DNAH7: variants seen among roughly 807,000 people sequenced by gnomAD.
DNAH7 encodes the protein axonemal beta dynein heavy chain 7.
A neutral mutation model predicts 444.6 loss-of-function variants in DNAH7; 397 were observed. That is an observed-to-expected ratio of 0.89 (90% CI 0.82 to 0.97). The LOEUF (loss-of-function observed/expected upper bound fraction) is 0.97. Ranked by LOEUF, DNAH7 falls within the 50% of genes least tolerant of loss-of-function variation. The pLI, the probability that DNAH7 is intolerant of heterozygous loss-of-function variation, is 0.00. For missense variants in DNAH7, 4,902 were observed against 4,800.8 expected, an observed-to-expected ratio of 1.02 and a Z score of -0.62; for synonymous variants, 1,636 against 1,624.4, an observed-to-expected ratio of 1.01 and a Z score of -0.17.
intron 12 of DNAH7, among the ~76,000 whole-genome samples, chr2:195,990,019 T>C (rs1394454955): frequency 6.6e-6 from 1 of 152,230 alleles, no homozygotes; most frequent in Non-Finnish European, 1.5e-5. Flanking sequence ...TGCAAATTTT[T>C]TATCCCATTA....
intron 5 of DNAH7, among the ~76,000 whole-genome samples, chr2:196,044,227 A>G (rs371596234): frequency 5.6e-5 from 7 of 125,476 alleles, no homozygotes; most frequent in South Asian, 2.5e-4. Context: ...GTGTGTGTGT[A>G]TACATACACA....
chr2:195,970,072 T>G lies in DNAH7; in HGVS notation c.2081A>C (p.Glu694Ala). 1 of 1,611,274 alleles carries G rather than the reference T, an allele frequency of 6.2e-7. No individual in the cohort carries two copies. Among genetic ancestry groups the G allele is most frequent in the South Asian group, 1.1e-5 (1 of 90,228 alleles). The change falls in exon 17 of 65, where the codon GAG becomes GCG. Residue 694 changes from glutamate (E) to alanine (A), a missense_variant. Coordinates refer to ENST00000312428, the MANE Select transcript of DNAH7 (RefSeq NM_018897.3). ...TTGCTTAGCATAACTCTCCAATTCC[T>G]CCACAAACCGTTCACACCGTAACTA... ...GLKLRCERFV[E>A]ELESYAKQSE...
chr2:195,771,437 G>A (rs1481612737), intron 61 of DNAH7, among the ~76,000 whole-genome samples: 2 of 151,952 alleles, frequency 1.3e-5, no homozygotes, highest in Non-Finnish European at 2.9e-5. Context: ...CCAATCCAGG[G>A]TCCTATCCCT....
At chr2:195,853,304 G>T (rs1206590915) in intron 46 of DNAH7, 39 bp downstream of exon 46, 1 of 1,567,780 alleles carries the variant, frequency 6.4e-7, no homozygotes, top group Non-Finnish European at 8.7e-7. Flanking sequence ...TGGCTGTGAT[G>T]GGCAGAGGGT....
In DNAH7 at chr2:195,846,004, A is replaced by G. The variant is rs142211838; in HGVS notation, c.8782-839T>C. On this transcript the variant is annotated intron_variant, in intron 46 of 64. Coordinates refer to ENST00000312428, the MANE Select transcript of DNAH7 (RefSeq NM_018897.3). ...AATTGCAACAAAAACGAAAATTGAC[A>G]AGTGGGACCTAATTAAACTAAAGAG... Among the ~76,000 whole-genome samples, 267 of 152,374 alleles carry G rather than the reference A, an allele frequency of 1.8e-3. 1 individual carries two copies. Among genetic ancestry groups the G allele is most frequent in the Non-Finnish European group, 3.0e-3 (204 of 68,026 alleles).
chr2:195,935,042 A>G (rs1688956768), intron 20 of DNAH7, among the ~76,000 whole-genome samples: 1 of 152,254 alleles, frequency 6.6e-6, no homozygotes, highest in African/African-American at 2.4e-5. Context: ...TAAGAGCTAC[A>G]GAGACAACCA....
chr2:195,914,013 C>T (rs1024689989), intron 24 of DNAH7, among the ~76,000 whole-genome samples: 1 of 152,184 alleles, frequency 6.6e-6, no homozygotes, highest in Non-Finnish European at 1.5e-5. Flanking sequence ...CGTGCCAAGT[C>T]GCAGATCTTT....
chr2:195,990,849 TTAAA>T (rs1443376468), intron 12 of DNAH7, among the ~76,000 whole-genome samples: 12 of 143,412 alleles, frequency 8.4e-5, no homozygotes, highest in Admixed American at 5.0e-4. Flanking sequence ...ATATATATAC[TTAAA>T]TATATATACA....
At position 195,755,483 on chromosome 2, in the gene DNAH7, A is replaced by G. The variant is rs1694027451; in HGVS notation, c.11586+650T>C. On this transcript the variant is annotated intron_variant, in intron 62 of 64. Transcript: ENST00000312428. ...GCTTTTCCCTAAAAGAGCCCAAGGT[A>G]TAACTTTATCCTTCAAAAACAATCT... is the stretch of plus-strand genomic sequence containing the variant. 1.3e-5 allele frequency among the ~76,000 whole-genome samples: 2 copies of G among 152,234 alleles called. 1 individual carries two copies. Among genetic ancestry groups the G allele is most frequent in the South Asian group, 4.1e-4 (2 of 4,830 alleles).
At chr2:195,817,555 A>G in intron 50 of DNAH7, 141 bp downstream of exon 50, 1 of 908,546 alleles carries the variant, frequency 1.1e-6, no homozygotes, top group Non-Finnish European at 1.6e-6. Context: ...ACATAGAGGT[A>G]TAATTCCTTA....
chr2:196,001,532 C>A, intron 11 of DNAH7, 143 bp downstream of exon 11: 1 of 746,126 alleles, frequency 1.3e-6, no homozygotes, highest in Non-Finnish European at 1.9e-6. Flanking sequence ...GCCTGGCTGA[C>A]AATTTTTTCT....
In DNAH7 at chr2:195,895,089, C is replaced by T; in HGVS notation, c.4783G>A (p.Val1595Ile). The change falls in exon 30 of 65, where the codon GTA becomes ATA. Residue 1595 changes from valine to isoleucine, a missense_variant. By Grantham distance (29) the Val-to-Ile change is conservative. Transcript: ENST00000312428. ...TGACGCACAATCATCATTTCATATA[C>T]TTGAAGAATCTTCTCGGAAAAGAAT... Reference protein sequence around the residue: ...TAFFSEKILQVYEMMIVRHGF... With the variant: ...TAFFSEKILQIYEMMIVRHGF... The T allele has an allele frequency of 1.2e-6, 2 of 1,613,672 alleles. No individual in the cohort carries two copies. The highest frequency in any genetic ancestry group is 1.7e-6 in the Non-Finnish European group (2 of 1,179,738).
intron 18 of DNAH7, among the ~76,000 whole-genome samples, chr2:195,957,819 G>A (rs1414811548): frequency 6.6e-6 from 1 of 151,826 alleles, no homozygotes; most frequent in African/African-American, 2.4e-5. Flanking sequence ...CTACTATTGG[G>A]CTGGTTTCTG....
chr2:195,816,899 C>G lies in DNAH7; in HGVS notation c.9490G>C (p.Glu3164Gln), dbSNP rs1697248399. The change falls in exon 51 of 65, where the codon GAA becomes CAA. Residue 3164 changes from glutamate (E) to glutamine (Q), a missense_variant. Glu to Gln is a conservative substitution (Grantham distance 29, BLOSUM62 2). Coordinates refer to ENST00000312428, the MANE Select transcript of DNAH7 (RefSeq NM_018897.3). ...VLSSSEGNIL[E>Q]DETAIKILSS... is the part of the protein sequence containing the mutation. ...AATATCTTAATAGCAGTTTCATCTT[C>G]TAATATATTGCCTTCCGAAGATGAA... 1 of 1,613,952 alleles carries G rather than the reference C, an allele frequency of 6.2e-7. No individual in the cohort carries two copies.
chr2:196,068,065 AAG>A (rs1309686344), intron 1 of DNAH7, among the ~76,000 whole-genome samples: 6 of 152,240 alleles, frequency 3.9e-5, no homozygotes, highest in African/African-American at 7.2e-5. Flanking sequence ...ACGAGAAAAA[AAG>A]AGAAAGAAAA....
At chr2:195,962,126 T>C (rs1691151359) in intron 17 of DNAH7, among the ~76,000 whole-genome samples, 1 of 152,302 alleles carries the variant, frequency 6.6e-6, no homozygotes, top group South Asian at 2.1e-4. Flanking sequence ...AGAAGAGAAC[T>C]GAAAAGTGTT....
In DNAH7 at chr2:195,864,578, A is replaced by T. The variant is rs762618112; in HGVS notation, c.7077T>A (p.Asp2359Glu). Residue 2359 changes from aspartate to glutamate, a missense_variant, in exon 41 of 65, where the codon GAT becomes GAA. Asp to Glu is a conservative substitution (Grantham distance 45). Coordinates refer to ENST00000312428, the MANE Select transcript of DNAH7 (RefSeq NM_018897.3). ...AGATTTCAACTTGGAAAACTGAATA[A>T]TCAGCCATGTGGGCAGCTAATCTGG... ...SVTRLAAHMA[D>E]YSVFQVEISK... The T allele has an allele frequency of 3.7e-6, 6 of 1,614,178 alleles. No homozygotes were observed. In the Admixed American group the frequency reaches 1.0e-4, roughly 27 times the overall value.
intron 48 of DNAH7, among the ~76,000 whole-genome samples, chr2:195,830,397 G>A (rs570333550): frequency 2.6e-5 from 4 of 152,230 alleles, no homozygotes; most frequent in African/African-American, 9.6e-5. Context: ...TGGTTTTTAA[G>A]TTATGAATTA....
intron 62 of DNAH7, 43 bp downstream of exon 62, chr2:195,756,090 C>A: frequency 1.9e-6 from 3 of 1,541,898 alleles, no homozygotes; most frequent in Non-Finnish European, 2.6e-6. Context: ...GAAAATGAAA[C>A]CAGGAGAAAC....
Sources: allele counts gnomAD v4.1 joint callset (sites outside exome capture counted in the v4.1 genomes callset), GRCh38; gene constraint gnomAD v4.1.1; transcripts MANE v1.5; gene names NCBI Gene and HGNC (gene_info 2026-07-23, HGNC 2026-07-21).